The following PARG variants were observed in gnomAD, a reference collection of about 807,000 sequenced individuals.
PARG encodes mitochondrial poly(ADP-ribose) glycohydrolase.
A neutral mutation model predicts 113.0 loss-of-function variants in PARG; 35 were observed. The ratio of observed to expected loss-of-function variants is 0.31; its 90% CI spans 0.24 to 0.41. The LOEUF (loss-of-function observed/expected upper bound fraction) is 0.41. Among genes scored for constraint, PARG ranks in the 10% least tolerant of loss-of-function variants. The pLI, the probability that PARG is intolerant of heterozygous loss-of-function variation, is 1.00. For missense variants in PARG, 797 were observed against 1,169.4 expected (o/e 0.68, Z 4.64); for synonymous variants, 330 against 409.9 (o/e 0.81, Z 2.36).
intron 9 of PARG, 131 bp downstream of exon 9, chr10:49,879,542 A>G: frequency 1.7e-6 from 1 of 596,488 alleles, no homozygotes; most frequent in Non-Finnish European, 3.1e-6. Flanking sequence ...AATGTCACTT[A>G]AGTACTGTAA....
intron 16 of PARG, among the ~76,000 whole-genome samples, chr10:49,824,867 C>T (rs1020665600): frequency 6.6e-6 from 1 of 152,136 alleles, no homozygotes; most frequent in Non-Finnish European, 1.5e-5. Context: ...GACTGGGCCA[C>T]CAACTCAAGA....
At chr10:49,891,624 T>TATATATATATATATA (rs1491390977) in intron 7 of PARG, among the ~76,000 whole-genome samples, 1 of 43,374 alleles carries the variant, frequency 2.3e-5, no homozygotes, top group African/African-American at 1.1e-4. Context: ...TATATATATA[T>TATATATATATATATA]TTTTTTTTTT....
At chr10:49,843,952 C>A (rs1365901245) in intron 13 of PARG, among the ~76,000 whole-genome samples, 1 of 151,576 alleles carries the variant, frequency 6.6e-6, no homozygotes, top group Non-Finnish European at 1.5e-5. Context: ...CAAGACCAGC[C>A]TGGCCAACAT....
At chr10:49,922,855 T>C (rs527988671) in intron 4 of PARG, among the ~76,000 whole-genome samples, 186 bp from the exon 5 acceptor site, 176 of 152,306 alleles carry the variant, frequency 1.2e-3, no homozygotes, top group Admixed American at 3.9e-3. Context: ...TCACCAGATA[T>C]AGTATATATT....
At chr10:49,896,348 G>A (rs1371341663) in intron 7 of PARG, among the ~76,000 whole-genome samples, 6 of 152,198 alleles carry the variant, frequency 3.9e-5, no homozygotes, top group South Asian at 2.1e-4. Flanking sequence ...GCAGTGGTGC[G>A]ATCTTGGCTC....
intron 4 of PARG, among the ~76,000 whole-genome samples, chr10:49,928,721 T>C (rs1257616399): frequency 6.6e-6 from 1 of 152,172 alleles, no homozygotes; most frequent in Non-Finnish European, 1.5e-5. Flanking sequence ...CCCAGGCTAG[T>C]CTTGAACTCC....
chr10:49,883,658 G>C (rs545867219), intron 8 of PARG, among the ~76,000 whole-genome samples: 68 of 151,982 alleles, frequency 4.5e-4, no homozygotes, highest in Middle Eastern at 6.8e-3. Flanking sequence ...AAAATTAGCC[G>C]AGTGTAGTGG....
chr10:49,932,226 A>G lies in PARG; in HGVS notation c.1329T>C (p.Val443=). 1 of 1,599,958 alleles carries G rather than the reference A, an allele frequency of 6.3e-7. No homozygotes were observed. The highest frequency in any genetic ancestry group is 8.6e-7 in the Non-Finnish European group (1 of 1,167,002). ...TCTTATCTGGAGAAAGGTGAGGTGG[A>G]ACGTATTTAGGGATCTTCCTTTCTG... ...QRTERKIPKY[V]PPHLSPDKKW... Residue 443 remains valine, a synonymous_variant, in exon 4 of 18, where the codon GTT becomes GTC. Coordinates refer to ENST00000616448, the MANE Select transcript of PARG (RefSeq NM_003631.5).
intron 16 of PARG, among the ~76,000 whole-genome samples, chr10:49,822,293 C>G (rs1433312680): frequency 6.6e-6 from 1 of 151,758 alleles, no homozygotes; most frequent in Non-Finnish European, 1.5e-5. Flanking sequence ...GCTAAAAGGG[C>G]CAAAAGGGAG....
intron 4 of PARG, 122 bp from the exon 5 acceptor site, chr10:49,922,791 C>T: frequency 1.3e-6 from 1 of 751,980 alleles, no homozygotes; most frequent in Non-Finnish European, 2.1e-6. Context: ...CAAGAAATCA[C>T]CAAAGAACCC....
intron 1 of PARG, among the ~76,000 whole-genome samples, chr10:49,936,872 A>G (rs1299125606): frequency 3.9e-5 from 6 of 152,178 alleles, no homozygotes; most frequent in Non-Finnish European, 5.9e-5. Flanking sequence ...AAAATATTCA[A>G]TTGCTATATA....
chr10:49,839,884 C>CT (rs1185378603), intron 15 of PARG, among the ~76,000 whole-genome samples: 2 of 152,184 alleles, frequency 1.3e-5, no homozygotes, highest in Admixed American at 6.5e-5. Context: ...CAACAACCTA[C>CT]TGCTTACATA....
At chr10:49,902,364 C>G (rs1337542107) in intron 7 of PARG, among the ~76,000 whole-genome samples, 1 of 152,100 alleles carries the variant, frequency 6.6e-6, no homozygotes. Context: ...ATATGAGGAC[C>G]GATGTGGTAC....
chr10:49,888,041 A>AT (rs1197639211), intron 7 of PARG, among the ~76,000 whole-genome samples: 6 of 151,674 alleles, frequency 4.0e-5, no homozygotes, highest in South Asian at 2.1e-4. Context: ...CTTTGAATAG[A>AT]TTTTTTTTTA....
rs554895652 is a variant in PARG, at chr10:49,857,241, G to A, written c.2353+65C>T. ...TAAAAGCTATACTGGGTAGTCTCTA[G>A]TCTTCATGACAGATATTCACAGATG... On this transcript the variant is annotated intron_variant, in intron 13 of 17. Transcript: ENST00000616448. 7 of 656,824 alleles carry A rather than the reference G, an allele frequency of 1.1e-5. No homozygotes were observed. In the South Asian group the frequency reaches 1.2e-4, roughly 12 times the overall value. The allele number at this position is 656,824 out of a possible 1,614,324, so 40.7% of individuals were successfully genotyped here.
intron 7 of PARG, among the ~76,000 whole-genome samples, chr10:49,891,360 A>G (rs1847772817): frequency 6.6e-6 from 1 of 151,594 alleles, no homozygotes; most frequent in Admixed American, 6.6e-5. Flanking sequence ...AATCAATCAC[A>G]AATCAATGAA....
chr10:49,823,146 A>G (rs963581578), intron 16 of PARG, among the ~76,000 whole-genome samples: 7 of 152,220 alleles, frequency 4.6e-5, no homozygotes, highest in African/African-American at 1.4e-4. Flanking sequence ...TTATTCTTAA[A>G]TACAAATTGA....
In PARG at chr10:49,894,718, C is replaced by T. The variant is rs2941184; in HGVS notation, c.1738-9423G>A. On this transcript the variant is annotated intron_variant, in intron 7 of 17. Coordinates refer to ENST00000616448, the MANE Select transcript of PARG (RefSeq NM_003631.5). ...GGGTCTGTTTCTGGGTTTACTACTT[C>T]GTTCCACTGATCAATTTGATTGTTA... Among the ~76,000 whole-genome samples the T allele has an allele frequency of 1.9e-3, 287 of 152,170 alleles. 2 individuals carry two copies. The highest frequency in any genetic ancestry group is 6.6e-3 in the African/African-American group (273 of 41,536).
At chr10:49,904,890 T>C (rs1848503206) in intron 7 of PARG, among the ~76,000 whole-genome samples, 1 of 151,520 alleles carries the variant, frequency 6.6e-6, no homozygotes, top group African/African-American at 2.4e-5. Context: ...TACTCCAACC[T>C]GCGCAACAGA....
Sources: gnomAD v4.1 joint callset for allele counts (sites outside exome capture counted in the v4.1 genomes callset) on GRCh38, gnomAD v4.1.1 for gene constraint, MANE v1.5 for transcripts, NCBI Gene and HGNC (gene_info 2026-07-23, HGNC 2026-07-21) for gene names.